ADCY1: variants seen among roughly 807,000 people sequenced by gnomAD.
The protein encoded by ADCY1 is adenylate cyclase type 1.
Under a neutral mutation model 105.4 loss-of-function variants are expected in ADCY1, and 28 were observed. That is an observed-to-expected ratio of 0.27 (90% confidence interval 0.20 to 0.36). The LOEUF is 0.36. Ranked by LOEUF, ADCY1 falls within the 10% of genes least tolerant of loss-of-function variation. ADCY1 has a pLI of 1.00. For missense variants in ADCY1, 977 were observed against 1,434.2 expected (o/e 0.68, Z 5.15); for synonymous variants, 655 against 623.8 (o/e 1.05, Z -0.75).
intron 3 of ADCY1, 49 bp downstream of exon 3, chr7:45,610,546 T>A: frequency 6.6e-7 from 1 of 1,521,180 alleles, no homozygotes; most frequent in Non-Finnish European, 9.1e-7. Flanking sequence ...GAAGCTGAGG[T>A]GTGGAGATAA....
At position 45,697,471 on chromosome 7, in the gene ADCY1, A is replaced by G. The variant is rs185832430; in HGVS notation, c.2455-5905A>G. Among the ~76,000 whole-genome samples, 202 of 147,252 alleles carry G rather than the reference A, an allele frequency of 1.4e-3. 3 individuals are homozygous for G. Among genetic ancestry groups the G allele is most frequent in the African/African-American group, 4.9e-3 (197 of 39,808 alleles). Reference sequence around the variant, plus strand: ...AATGGCACGATCTTGGCTCACCACAACCTCTCCCTCCCGGGTTCAAGTGAT... The same window carrying G: ...AATGGCACGATCTTGGCTCACCACAGCCTCTCCCTCCCGGGTTCAAGTGAT... On this transcript the variant is annotated intron_variant, in intron 14 of 19. Transcript: ENST00000297323.
Position 45,678,408 on chromosome 7 carries a change from C to T in ADCY1, c.1898+145C>T, listed in dbSNP as rs1047402934. 10 of 743,652 alleles carry T rather than the reference C, an allele frequency of 1.3e-5. No homozygotes were observed. In the African/African-American group the frequency reaches 1.6e-4, roughly 12 times the overall value. The allele number at this position is 743,652 out of a possible 1,614,324, so 46.1% of individuals were successfully genotyped here. ...ACAGTTATTGTCCCAATGTGCCCAA[C>T]ATGGCTGACATTAGCCAGCCATCAT... is the stretch of plus-strand genomic sequence containing the variant. On this transcript the variant is annotated intron_variant, in intron 10 of 19. Coordinates refer to ENST00000297323, the MANE Select transcript of ADCY1 (RefSeq NM_021116.4).
intron 3 of ADCY1, among the ~76,000 whole-genome samples, chr7:45,613,186 G>A (rs1780295055): frequency 6.6e-6 from 1 of 152,190 alleles, no homozygotes; most frequent in Admixed American, 6.5e-5. Context: ...GATGCTCATG[G>A]AGGACAAAAG....
chr7:45,693,122 AC>A (rs1278906544), intron 14 of ADCY1, among the ~76,000 whole-genome samples: 1 of 152,234 alleles, frequency 6.6e-6, no homozygotes, highest in East Asian at 1.9e-4. Context: ...GAATCGCTGG[AC>A]AGAAAATCAG....
chr7:45,574,618 C>G lies in ADCY1; in HGVS notation c.75C>G (p.Ala25=). 2 of 1,170,140 alleles carry G rather than the reference C, an allele frequency of 1.7e-6. No individual in the cohort carries two copies. The highest frequency in any genetic ancestry group is 4.7e-5 in the Admixed American group (1 of 21,260). 72.5% of individuals were successfully genotyped at this position (1,170,140 alleles called of 1,614,324 possible). ...AGCCCGGGGGCGCCGAGCGGGCGGC[C>G]GGGACAAGCCGCCGGCGCGGGCTCC... ...AGEPGGAERA[A]GTSRRRGLRA... Residue 25 remains alanine (A), a synonymous_variant, in exon 1 of 20, where the codon GCC becomes GCG. Coordinates refer to ENST00000297323, the MANE Select transcript of ADCY1 (RefSeq NM_021116.4). The surrounding 1 kb of genome is among the most constrained non-coding windows in gnomAD (Gnocchi z 7.0).
chr7:45,600,682 C>T (rs1053273180), intron 2 of ADCY1, among the ~76,000 whole-genome samples: 1 of 152,244 alleles, frequency 6.6e-6, no homozygotes, highest in Non-Finnish European at 1.5e-5. Flanking sequence ...TATTTCCTCA[C>T]AGTTCTGGAG....
At chr7:45,677,716 C>T (rs1026523405) in intron 8 of ADCY1, among the ~76,000 whole-genome samples, 153 bp from the exon 9 acceptor site, 3 of 152,216 alleles carry the variant, frequency 2.0e-5, no homozygotes, top group African/African-American at 7.2e-5. Context: ...CCTGCCATCT[C>T]ACCACCAGCA....
At chr7:45,609,884 G>A (rs1793485022) in intron 2 of ADCY1, among the ~76,000 whole-genome samples, 1 of 152,192 alleles carries the variant, frequency 6.6e-6, no homozygotes, top group Admixed American at 6.5e-5. Flanking sequence ...GACCTACACA[G>A]CTAAGGGAGA....
chr7:45,576,590 C>T (rs1792355221), intron 1 of ADCY1, among the ~76,000 whole-genome samples: 1 of 152,100 alleles, frequency 6.6e-6, no homozygotes. Flanking sequence ...AGCCAGAGGA[C>T]TTCATGTCCT....
chr7:45,623,560 A>T (rs1793967231), intron 4 of ADCY1, among the ~76,000 whole-genome samples: 1 of 152,248 alleles, frequency 6.6e-6, no homozygotes, highest in Non-Finnish European at 1.5e-5. Flanking sequence ...CAGAGAGAGC[A>T]CATCTATTGC....
Position 45,685,942 on chromosome 7 carries a change from T to C in ADCY1, c.2074-20T>C, listed in dbSNP as rs200916064. 2.3e-5 allele frequency: 37 copies of C among 1,605,776 alleles called. No homozygotes were observed. The East Asian group carries it at 7.8e-4, about 34-fold the overall frequency. The stretch of plus-strand genomic sequence containing the variant: ...CTTCACCTGCCCTTTGCTAAGCCCC[T>C]GTGACCCCTCCCTTCCCAGGTGGGC... On this transcript the variant is annotated intron_variant, in intron 12 of 19. Coordinates refer to ENST00000297323, the MANE Select transcript of ADCY1 (RefSeq NM_021116.4).
Position 45,708,356 on chromosome 7 carries a change from A to C in ADCY1, c.2824A>C (p.Lys942Gln). ...LAPTSGTKAK[K>Q]SISSHLSTLA... ...CCCATCTGTTTACACCTAGGCTAAG[A>C]AGTCCATCTCCTCCCACCTGAGCAC... Residue 942 changes from lysine to glutamine, a missense_variant, in exon 18 of 20, where the codon AAG becomes CAG. Physicochemically the swap from Lys to Gln is moderately conservative, Grantham distance 53. Transcript: ENST00000297323. This position sits in a 1 kb window ranked among gnomAD's most constrained non-coding sequence, Gnocchi z 4.7. 6.2e-7 allele frequency: 1 copy of C among 1,613,766 alleles called. No individual in the cohort carries two copies. The highest frequency in any genetic ancestry group is 8.5e-7 in the Non-Finnish European group (1 of 1,179,630).
chr7:45,641,538 C>G (rs1447474117), intron 4 of ADCY1, among the ~76,000 whole-genome samples: 1 of 152,174 alleles, frequency 6.6e-6, no homozygotes, highest in Non-Finnish European at 1.5e-5. Context: ...TTTGACCTGG[C>G]ACCACCACGA....
intron 4 of ADCY1, among the ~76,000 whole-genome samples, chr7:45,641,946 A>AAAAAAAAAAAAAAAAAAAAG (rs1562702616): frequency 7.0e-6 from 1 of 143,294 alleles, no homozygotes; most frequent in Admixed American, 7.0e-5. Context: ...AAAAAAAAAA[A>AAAAAAAAAAAAAAAAAAAAG]TGTCTTTTCA....
In ADCY1 at chr7:45,686,720, G is replaced by A. The variant is rs1304049945; in HGVS notation, c.2454+47G>A. The A allele has an allele frequency of 1.3e-6, 2 of 1,563,746 alleles. No individual in the cohort carries two copies. The highest frequency in any genetic ancestry group is 1.2e-5 in the South Asian group (1 of 84,698). On this transcript the variant is annotated intron_variant, in intron 14 of 19. Transcript: ENST00000297323. This position sits in a 1 kb window ranked among gnomAD's most constrained non-coding sequence, Gnocchi z 4.3. ...TTCTGGGGGTGGGGGATTTAGAGGA[G>A]GAAGAAGTCTTCAGCAAGCATCTGA...
chr7:45,658,654 T>C (rs2960288), intron 6 of ADCY1, among the ~76,000 whole-genome samples: 108,559 of 152,196 alleles, frequency 0.71, 40,520 homozygotes, highest in South Asian at 0.84. Flanking sequence ...AAGGCCGGGC[T>C]ATGCAGCCGC....
Position 45,656,290 on chromosome 7 carries a change from G to A in ADCY1, c.1149-1437G>A, listed in dbSNP as rs142759442. ...TGCACTGCAGCCTGGGCGACAGAGC[G>A]AAACTCCGTCTCAAAAAAAAAAAAA... On this transcript the variant is annotated intron_variant, in intron 5 of 19. Transcript: ENST00000297323. Among the ~76,000 whole-genome samples the A allele has an allele frequency of 2.6e-3, 384 of 149,386 alleles. 2 individuals are homozygous for A. Among genetic ancestry groups the A allele is most frequent in the South Asian group, 1.9e-3 (9 of 4,700 alleles).
intron 14 of ADCY1, among the ~76,000 whole-genome samples, chr7:45,690,199 G>A (rs554193949): frequency 2.0e-5 from 3 of 152,214 alleles, no homozygotes; most frequent in Non-Finnish European, 4.4e-5. Flanking sequence ...TGAGGGTGCA[G>A]TAGTGGAGGT....
At position 45,721,785 on chromosome 7, in the gene ADCY1, T is replaced by A. The variant is rs1319755360; in HGVS notation, c.*7790T>A. The A allele has an allele frequency of 2.5e-6, 1 of 398,504 alleles. No homozygotes were observed. Among genetic ancestry groups the A allele is most frequent in the Non-Finnish European group, 4.4e-6 (1 of 226,088 alleles). 24.7% of individuals were successfully genotyped at this position (398,504 alleles called of 1,614,324 possible). A position where few individuals can be genotyped will look rare whatever the true frequency, so the allele number is the denominator to read the frequency against. On this transcript the variant is annotated 3_prime_UTR_variant, in exon 20 of 20. Transcript: ENST00000297323. ...GAGATTTGACAACCACCAGAGCACA[T>A]GTGCTCTGACCCTCTCCTGGGCATT...
Sources: gnomAD v4.1 joint callset for allele counts (sites outside exome capture counted in the v4.1 genomes callset) on GRCh38, gnomAD v4.1.1 for gene constraint, Gnocchi (gnomAD v3.1) non-coding constraint, MANE v1.5 for transcripts, NCBI Gene and HGNC (gene_info 2026-07-23, HGNC 2026-07-21) for gene names.